Variants in MGST1 observed in about 807,000 individuals in gnomAD.
MGST1 encodes the protein microsomal glutathione S-transferase 1.
MGST1 carries 5 observed loss-of-function variants against 8.9 expected under a neutral mutation model. The ratio of observed to expected loss-of-function variants is 0.56; its 90% CI spans 0.29 to 1.19. MGST1 has a LOEUF of 1.19. Ranked by LOEUF, MGST1 falls within the 50% of genes most tolerant of loss-of-function variation. MGST1 has a pLI of 0.08. For synonymous variants in MGST1, 54 were observed against 67.8 expected (o/e 0.80, Z 1.00); for missense variants, 182 against 187.4 (o/e 0.97, Z 0.17).
intron 4 of MGST1, among the ~76,000 whole-genome samples, chr12:16,535,052 C>T (rs991748834): frequency 6.6e-6 from 1 of 152,170 alleles, no homozygotes; most frequent in East Asian, 1.9e-4. Flanking sequence ...CCTCTGGTCC[C>T]CCTTAGGGTT....
chr12:16,427,661 C>G (rs1940902031), intron 1 of MGST1, among the ~76,000 whole-genome samples: 1 of 152,196 alleles, frequency 6.6e-6, no homozygotes, highest in Non-Finnish European at 1.5e-5. Flanking sequence ...GGATTACCGG[C>G]ATGAGCCACT....
At chr12:16,538,321 T>C (rs1175429068) in intron 4 of MGST1, among the ~76,000 whole-genome samples, 1 of 152,120 alleles carries the variant, frequency 6.6e-6, no homozygotes, top group Admixed American at 6.5e-5. Flanking sequence ...GTCAAAGCCA[T>C]TCAACAAGTC....
Position 16,410,587 on chromosome 12 carries a change from A to G in MGST1, n.779-26801A>G, listed in dbSNP as rs898727724. Among the ~76,000 whole-genome samples, 47 of 148,460 alleles carry G rather than the reference A, an allele frequency of 3.2e-4. No individual in the cohort carries two copies. The highest frequency in any genetic ancestry group is 5.0e-4 in the Non-Finnish European group (34 of 67,330). On this transcript the variant is annotated intron_variant and non_coding_transcript_variant, in intron 1 of 1. Transcript: ENST00000359720. This position sits in a 1 kb window ranked among gnomAD's most constrained non-coding sequence, Gnocchi z 4.4. ...ATGTACGTAATATATATTTTTACAC[A>G]TACATATTAATGTTTATATATTACA...
At chr12:16,465,019 C>T (rs1941244013) in intron 4 of MGST1, among the ~76,000 whole-genome samples, 1 of 152,184 alleles carries the variant, frequency 6.6e-6, no homozygotes, top group Non-Finnish European at 1.5e-5. Context: ...ATACTGTACT[C>T]CTGTACCAAC....
At chr12:16,534,000 A>G (rs1941738999) in intron 4 of MGST1, among the ~76,000 whole-genome samples, 1 of 152,136 alleles carries the variant, frequency 6.6e-6, no homozygotes. Flanking sequence ...TGGCTGGCGC[A>G]TGGTTTATTA....
chr12:16,553,945 A>C (rs1942088124), intron 4 of MGST1, among the ~76,000 whole-genome samples: 1 of 152,078 alleles, frequency 6.6e-6, no homozygotes, highest in African/African-American at 2.4e-5. Flanking sequence ...CAATTACTAA[A>C]AATAAACATA....
intron 4 of MGST1, among the ~76,000 whole-genome samples, chr12:16,459,980 C>T (rs141798373): frequency 1.3e-5 from 2 of 152,124 alleles, no homozygotes; most frequent in East Asian, 3.9e-4. Flanking sequence ...CTTGTAGAAA[C>T]AGAAGGTTAA....
chr12:16,494,483 G>A (rs78946020), intron 4 of MGST1, among the ~76,000 whole-genome samples: 5,068 of 152,066 alleles, frequency 0.033, 270 homozygotes, highest in African/African-American at 0.11. Flanking sequence ...TGTAAGACCT[G>A]GACTAACAAA....
intron 4 of MGST1, chr12:16,514,196 G>T (rs11056969): frequency 6.4e-6 from 2 of 310,810 alleles, no homozygotes; most frequent in Admixed American, 4.4e-5. Flanking sequence ...CGCCATTGTC[G>T]CTGCCAATCA....
chr12:16,515,213 T>C (rs1022173191), intron 4 of MGST1, among the ~76,000 whole-genome samples: 2 of 152,182 alleles, frequency 1.3e-5, no homozygotes, highest in African/African-American at 4.8e-5. Flanking sequence ...CAGATTCCTG[T>C]CATATTTAAG....
chr12:16,397,769 C>CT (rs1280358040), intron 1 of MGST1, among the ~76,000 whole-genome samples: 1 of 134,548 alleles, frequency 7.4e-6, no homozygotes, highest in Non-Finnish European at 1.6e-5. Flanking sequence ...ACTTCTTAAT[C>CT]AATAGTATCT....
At chr12:16,532,298 C>T (rs1941728083) in intron 4 of MGST1, among the ~76,000 whole-genome samples, 2 of 152,068 alleles carry the variant, frequency 1.3e-5, no homozygotes, top group Admixed American at 1.3e-4. Flanking sequence ...TTGCTTGGGG[C>T]ATAAAAAACG....
intron 4 of MGST1, among the ~76,000 whole-genome samples, chr12:16,527,744 C>T (rs1433440933): frequency 6.6e-6 from 1 of 151,978 alleles, no homozygotes; most frequent in Non-Finnish European, 1.5e-5. Flanking sequence ...AGCCATATCC[C>T]ATTCTATCTT....
intron 4 of MGST1, among the ~76,000 whole-genome samples, chr12:16,577,658 A>T (rs2137505405): frequency 6.6e-6 from 1 of 152,308 alleles, no homozygotes; most frequent in African/African-American, 2.4e-5. Flanking sequence ...CAGAAAGGAC[A>T]TTCTCATCTC....
At chr12:16,494,240 A>G (rs1380855707) in intron 4 of MGST1, among the ~76,000 whole-genome samples, 1 of 152,176 alleles carries the variant, frequency 6.6e-6, no homozygotes, top group Non-Finnish European at 1.5e-5. Context: ...AATATACCAC[A>G]TGGAAAGTAC....
intron 4 of MGST1, among the ~76,000 whole-genome samples, chr12:16,479,467 C>T (rs1464498737): frequency 2.0e-5 from 3 of 151,212 alleles, no homozygotes; most frequent in Non-Finnish European, 4.4e-5. Context: ...ATCTCCTGAC[C>T]TCATGATCTG....
chr12:16,373,077 TAA>T (rs1183844826), intron 3 of MGST1, among the ~76,000 whole-genome samples: 1 of 150,130 alleles, frequency 6.7e-6, no homozygotes, highest in South Asian at 2.1e-4. Context: ...TATTTGGCCA[TAA>T]AAAAAATTCT....
At chr12:16,477,868 G>T (rs180786194) in intron 4 of MGST1, among the ~76,000 whole-genome samples, 17 of 152,266 alleles carry the variant, frequency 1.1e-4, no homozygotes, top group African/African-American at 3.1e-4. Flanking sequence ...GTCTCACAAA[G>T]AACTTTTTAG....
chr12:16,402,154 T>A (rs983988405), intron 1 of MGST1: 137 of 1,540,064 alleles, frequency 8.9e-5, no homozygotes, highest in Non-Finnish European at 1.2e-4. Flanking sequence ...CCCTTAGTGT[T>A]GGCAATTTGT....
Sources: allele counts gnomAD v4.1 joint callset (sites outside exome capture counted in the v4.1 genomes callset), GRCh38; gene constraint gnomAD v4.1.1; non-coding constraint Gnocchi (gnomAD v3.1); transcripts MANE v1.5; gene names NCBI Gene and HGNC (gene_info 2026-07-23, HGNC 2026-07-21).